Variants in SCRN1 observed in about 807,000 individuals in gnomAD.
The protein encoded by SCRN1 is secernin-1.
Under a neutral mutation model 43.3 loss-of-function variants are expected in SCRN1, and 19 were observed. That is an observed-to-expected ratio of 0.44 (90% CI 0.31 to 0.64). SCRN1 has a LOEUF of 0.64. SCRN1 is among the 30% of genes least tolerant of loss of function. The pLI is 0.09. For synonymous variants in SCRN1, 183 were observed against 188.9 expected (o/e 0.97, Z 0.26); for missense variants, 447 against 524.1 (o/e 0.85, Z 1.44).
At position 29,936,509 on chromosome 7, in the gene SCRN1, A is replaced by G. The variant is rs372704354; in HGVS notation, c.905+47T>C. 4.4e-5 allele frequency: 64 copies of G among 1,450,188 alleles called. No individual in the cohort carries two copies. The African/African-American group carries it at 8.0e-4, about 18-fold the overall frequency. 89.8% of individuals were successfully genotyped at this position (1,450,188 alleles called of 1,614,324 possible). ...CTACGCACTTGCTGAATGAGCTTTCAAGGGAAGCACTTATGTTCTGCCTAC... is the reference window on the plus strand; with the variant it reads ...CTACGCACTTGCTGAATGAGCTTTCGAGGGAAGCACTTATGTTCTGCCTAC... On this transcript the variant is annotated intron_variant, in intron 6 of 7. Transcript: ENST00000242059.
rs1476335420 is a variant in SCRN1, at chr7:29,928,009, G to C, written c.906-1377C>G. Among the ~76,000 whole-genome samples, 10 of 152,260 alleles carry C rather than the reference G, an allele frequency of 6.6e-5. No homozygotes were observed. The East Asian group carries it at 1.9e-3, about 29-fold the overall frequency. ...GTGGTGGAGTGCTCCTGTAATCCCA[G>C]CTACTCAGGAGGTTGAGGTGGAAGA... On this transcript the variant is annotated intron_variant, in intron 6 of 7. Transcript: ENST00000242059.
At chr7:29,970,282 A>G (rs1054355487) in intron 1 of SCRN1, among the ~76,000 whole-genome samples, 1 of 151,970 alleles carries the variant, frequency 6.6e-6, no homozygotes, top group Non-Finnish European at 1.5e-5. Flanking sequence ...CACTCTCACA[A>G]TGCCGGCACA....
At chr7:29,932,392 T>C (rs148465359) in intron 6 of SCRN1, among the ~76,000 whole-genome samples, 1 of 152,176 alleles carries the variant, frequency 6.6e-6, no homozygotes, top group Non-Finnish European at 1.5e-5. Context: ...TCAAGATTAG[T>C]ATACTGGCCC....
intron 3 of SCRN1, among the ~76,000 whole-genome samples, chr7:29,952,604 C>T (rs1450456941): frequency 2.6e-5 from 4 of 151,708 alleles, no homozygotes; most frequent in Admixed American, 2.0e-4. Flanking sequence ...GCAGGAGAAT[C>T]GCTTGAACCT....
intron 1 of SCRN1, among the ~76,000 whole-genome samples, chr7:29,986,060 C>A (rs1359013726): frequency 6.6e-6 from 1 of 152,160 alleles, no homozygotes; most frequent in Non-Finnish European, 1.5e-5. Context: ...TATGGTGAAA[C>A]CCTGTCTCTA....
At chr7:29,966,159 CAGAGAGAGAGAGAGAGAGAGAGAGAGAG>C (rs58247318) in intron 2 of SCRN1, among the ~76,000 whole-genome samples, 1 of 84,406 alleles carries the variant, frequency 1.2e-5, no homozygotes, top group Non-Finnish European at 2.3e-5. Flanking sequence ...GACCGAGAGA[CAGAGAGAGAGAGAGAGAGAGAGAGAGAG>C]AGAGAGAGAG....
rs1007577822 is a variant in SCRN1 at position 29,989,676 on chromosome 7, C to T, written c.-36G>A. The T allele has an allele frequency of 2.5e-5, 25 of 985,550 alleles. No homozygotes were observed. Among genetic ancestry groups the T allele is most frequent in the Non-Finnish European group, 2.7e-5 (22 of 830,062 alleles). 61.1% of individuals were successfully genotyped at this position (985,550 alleles called of 1,614,324 possible). A position where few individuals can be genotyped will look rare whatever the true frequency, so the allele number is the denominator to read the frequency against. ...CGGGCTCCGGGCTCCGCTCTCCGCT[C>T]TGCGGTGCTGAGGCTGCGGCCGCCG... On this transcript the variant is annotated 5_prime_UTR_variant, in exon 1 of 8. Transcript: ENST00000242059.
chr7:29,974,685 CT>C (rs1183202361), intron 1 of SCRN1, among the ~76,000 whole-genome samples: 392 of 134,158 alleles, frequency 2.9e-3, no homozygotes, highest in African/African-American at 5.7e-3. Context: ...TTCTTTCTTT[CT>C]TTTTTTTTTT....
rs1786707351 is a variant in SCRN1, at chr7:29,920,220, A to T, written c.*3737T>A. ...TAGATATTTGTACAAAAGACTGTTA[A>T]GACTACATGGCCAGTTCCCACTGCA... On this transcript the variant is annotated 3_prime_UTR_variant, in exon 8 of 8. Transcript: ENST00000242059. The T allele has an allele frequency of 6.6e-6, 1 of 152,620 alleles. No homozygotes were observed. Among genetic ancestry groups the T allele is most frequent in the Non-Finnish European group, 1.5e-5 (1 of 68,046 alleles). 9.5% of individuals were successfully genotyped at this position (152,620 alleles called of 1,614,324 possible).
chr7:29,988,817 C>G (rs893199642), intron 1 of SCRN1: 1 of 152,296 alleles, frequency 6.6e-6, no homozygotes, highest in Non-Finnish European at 1.5e-5. Flanking sequence ...TCGATGTTTT[C>G]ATGGACATTT....
intron 2 of SCRN1, among the ~76,000 whole-genome samples, chr7:29,967,442 T>G (rs966490155): frequency 2.6e-5 from 4 of 151,474 alleles, no homozygotes; most frequent in Admixed American, 1.3e-4. Flanking sequence ...TTGTCCAGGC[T>G]GGTCTCAACT....
At chr7:29,971,423 G>A (rs1438775882) in intron 1 of SCRN1, among the ~76,000 whole-genome samples, 2 of 152,104 alleles carry the variant, frequency 1.3e-5, no homozygotes, top group Admixed American at 6.5e-5. Context: ...ACTTGAGCCT[G>A]GAAGTTTGAG....
At chr7:29,963,044 T>TAAA (rs202064752) in intron 2 of SCRN1, among the ~76,000 whole-genome samples, 1 of 140,412 alleles carries the variant, frequency 7.1e-6, no homozygotes, top group African/African-American at 2.6e-5. Flanking sequence ...GTCAATTCTT[T>TAAA]AAAAAAAAAA....
intron 2 of SCRN1, among the ~76,000 whole-genome samples, chr7:29,962,544 C>T (rs1472125965): frequency 4.0e-5 from 6 of 151,818 alleles, no homozygotes; most frequent in South Asian, 4.1e-4. Context: ...GAAAATTAGC[C>T]GGCTATGGTG....
chr7:29,947,075 C>A, intron 3 of SCRN1: 1 of 1,216,692 alleles, frequency 8.2e-7, no homozygotes, highest in Non-Finnish European at 1.1e-6. Context: ...TCTGCCTGGG[C>A]AGGACCAGGA....
intron 3 of SCRN1, among the ~76,000 whole-genome samples, chr7:29,951,901 G>C (rs1367339183): frequency 2.0e-5 from 3 of 152,218 alleles, no homozygotes; most frequent in African/African-American, 7.2e-5. Flanking sequence ...CAAAGTACCA[G>C]GATAAGTATA....
chr7:29,921,601 A>T lies in SCRN1; in HGVS notation c.*2356T>A, dbSNP rs1305961331. The T allele has an allele frequency of 6.6e-6, 1 of 152,244 alleles. No homozygotes were observed. The highest frequency in any genetic ancestry group is 1.5e-5 in the Non-Finnish European group (1 of 68,062). The allele number at this position is 152,244 out of a possible 1,614,324, so 9.4% of individuals were successfully genotyped here. On this transcript the variant is annotated 3_prime_UTR_variant, in exon 8 of 8. Transcript: ENST00000242059. ...TGCCACACCCCTTTTAACTTTTGCC[A>T]GGCTGTACCATGCCCTCTAGTGGTA...
chr7:29,930,634 G>A (rs1787127115), intron 6 of SCRN1, among the ~76,000 whole-genome samples: 1 of 152,218 alleles, frequency 6.6e-6, no homozygotes, highest in Non-Finnish European at 1.5e-5. Flanking sequence ...TGGCTTGGAT[G>A]CAGAACACAC....
rs191428407 is a variant in SCRN1 at position 29,982,845 on chromosome 7, C to A, written c.-2+6797G>T. Reference sequence around the variant, plus strand: ...CAATCAAGGGCAAGAAGTGTCTCTTCATTTTTTTTTTTTGAGACGGATTCT... The same window carrying A: ...CAATCAAGGGCAAGAAGTGTCTCTTAATTTTTTTTTTTTGAGACGGATTCT... On this transcript the variant is annotated intron_variant, in intron 1 of 7. Coordinates refer to ENST00000242059, the MANE Select transcript of SCRN1 (RefSeq NM_014766.5). Among the ~76,000 whole-genome samples the A allele has an allele frequency of 2.8e-3, 411 of 147,112 alleles. 4 individuals are homozygous for A. Among genetic ancestry groups the A allele is most frequent in the South Asian group, 9.5e-3 (44 of 4,652 alleles).
Sources: gnomAD v4.1 joint callset for allele counts (sites outside exome capture counted in the v4.1 genomes callset) on GRCh38, gnomAD v4.1.1 for gene constraint, MANE v1.5 for transcripts, NCBI Gene and HGNC (gene_info 2026-07-23, HGNC 2026-07-21) for gene names.